CDH18: variants seen among roughly 807,000 people sequenced by gnomAD.
The protein encoded by CDH18 is cadherin-18.
A neutral mutation model predicts 67.9 loss-of-function variants in CDH18; 31 were observed. That is an observed-to-expected ratio of 0.46 (90% CI 0.34 to 0.62). The LOEUF is 0.62. Ranked by LOEUF, CDH18 falls within the 20% of genes least tolerant of loss-of-function variation. The pLI, the probability that CDH18 is intolerant of heterozygous loss-of-function variation, is 0.01. For missense variants in CDH18, 890 were observed against 975.5 expected, an observed-to-expected ratio of 0.91 and a Z score of 1.17; for synonymous variants, 362 against 347.2, an observed-to-expected ratio of 1.04 and a Z score of -0.48.
At chr5:20,497,085 G>C (rs78693472) in intron 1 of CDH18, among the ~76,000 whole-genome samples, 343 of 152,040 alleles carry the variant, frequency 2.3e-3, no homozygotes, top group South Asian at 4.2e-3. Context: ...AATGTCAAAA[G>C]GAATAGCCAA....
Position 19,549,764 on chromosome 5 carries a change from AAAAG to A in CDH18, c.1254-5763_1254-5760del, listed in dbSNP as rs1178694626. 1.5e-3 allele frequency among the ~76,000 whole-genome samples: 193 copies of A among 128,576 alleles called. 1 individual carries two copies. The highest frequency in any genetic ancestry group is 2.1e-3 in the Non-Finnish European group (126 of 59,180). 84.4% of individuals were successfully genotyped at this position (128,576 alleles called of 152,430 possible). ...GAGAGAAAAGAAAAAGAAAGAAAGAAAAAGAAAGAAAGAAAGGAAGAAAGAAAGG... is the reference window on the plus strand; with the variant it reads ...GAGAGAAAAGAAAAAGAAAGAAAGAAAAAGAAAGAAAGGAAGAAAGAAAGG... On this transcript the variant is annotated intron_variant, in intron 8 of 12. Transcript: ENST00000382275.
rs565078337 is a variant in CDH18 at position 20,051,856 on chromosome 5, C to T, written c.-517-59842G>A. Among the ~76,000 whole-genome samples the T allele has an allele frequency of 4.6e-5, 7 of 151,976 alleles. No individual in the cohort carries two copies. In the South Asian group the frequency reaches 6.2e-4, roughly 14 times the overall value. Reference sequence around the variant, plus strand: ...AAATGTAAACACGATATATGTCATACGGGATGTGTAAGATGAGAAACATCA... The same window carrying T: ...AAATGTAAACACGATATATGTCATATGGGATGTGTAAGATGAGAAACATCA... On this transcript the variant is annotated intron_variant, in intron 2 of 14. Coordinates refer to the CDH18 transcript ENST00000507958.
chr5:19,622,153 C>T (rs150944786), intron 5 of CDH18, among the ~76,000 whole-genome samples: 1 of 152,286 alleles, frequency 6.6e-6, no homozygotes, highest in African/African-American at 2.4e-5. Flanking sequence ...GAAGCAGCCT[C>T]TCCTGGCCAG....
Position 19,745,703 on chromosome 5 carries a change from G to C in CDH18, c.523+1239C>G, listed in dbSNP as rs542902670. 2.6e-5 allele frequency among the ~76,000 whole-genome samples: 4 copies of C among 152,192 alleles called. No individual in the cohort carries two copies. The South Asian group carries it at 8.3e-4, about 32-fold the overall frequency. ...GGCCTCTCTTAGGCTCCTGCAGGCT[G>C]GTTCCTGTGTTCTGCTGGGGTCCAG... On this transcript the variant is annotated intron_variant, in intron 4 of 12. Coordinates refer to ENST00000382275, the MANE Select transcript of CDH18 (RefSeq NM_004934.5).
intron 3 of CDH18, among the ~76,000 whole-genome samples, chr5:19,823,087 C>T (rs906974538): frequency 3.3e-5 from 5 of 152,180 alleles, no homozygotes; most frequent in Admixed American, 1.3e-4. Flanking sequence ...GGCTCACCGG[C>T]GGTCAGAGTT....
At chr5:20,417,957 G>C (rs994969782) in intron 1 of CDH18, among the ~76,000 whole-genome samples, 11 of 152,130 alleles carry the variant, frequency 7.2e-5, no homozygotes, top group African/African-American at 2.7e-4. Context: ...AATTAATATA[G>C]TTTACACAAT....
rs112295387 is a variant in CDH18 at position 20,101,024 on chromosome 5, C to T, written c.-517-109010G>A. On this transcript the variant is annotated intron_variant, in intron 2 of 14. Transcript: ENST00000507958. The stretch of plus-strand genomic sequence containing the variant: ...CTGGAATGTAGTGGCACAATTATAG[C>T]TCACAGCAGCCTCAACCTCTGGGCT... Among the ~76,000 whole-genome samples the T allele has an allele frequency of 4.6e-3, 695 of 152,206 alleles. 7 individuals carry two copies. Among genetic ancestry groups the T allele is most frequent in the African/African-American group, 0.016 (666 of 41,522 alleles).
chr5:20,493,391 G>T (rs150069586), intron 1 of CDH18, among the ~76,000 whole-genome samples: 23 of 18,630 alleles, frequency 1.2e-3, no homozygotes, highest in East Asian at 3.7e-3. Context: ...AAAAAGCAAA[G>T]AATTTTTTGT....
intron 2 of CDH18, among the ~76,000 whole-genome samples, chr5:20,171,516 T>C (rs1474733421): frequency 6.6e-6 from 1 of 152,134 alleles, no homozygotes; most frequent in Non-Finnish European, 1.5e-5. Flanking sequence ...GTATGTCTTC[T>C]TTTAAAGAGT....
At chr5:19,916,425 A>G (rs1791801874) in intron 2 of CDH18, among the ~76,000 whole-genome samples, 1 of 152,130 alleles carries the variant, frequency 6.6e-6, no homozygotes, top group Non-Finnish European at 1.5e-5. Context: ...ACATCACTTG[A>G]CCTTGATATT....
rs529410651 is a variant in CDH18 at position 20,001,980 on chromosome 5, T to A, written c.-517-9966A>T. 4.9e-4 allele frequency among the ~76,000 whole-genome samples: 74 copies of A among 152,298 alleles called. No individual in the cohort carries two copies. The East Asian group carries it at 0.014, about 29-fold the overall frequency. ...CCTTCTCTGTCTATCTAAAGATTCCTCAGGCTGCCAATATTCATATATCAG... is the reference window on the plus strand; with the variant it reads ...CCTTCTCTGTCTATCTAAAGATTCCACAGGCTGCCAATATTCATATATCAG... On this transcript the variant is annotated intron_variant, in intron 2 of 14. Transcript: ENST00000507958.
chr5:19,731,789 C>T (rs1240133639), intron 4 of CDH18, among the ~76,000 whole-genome samples: 2 of 152,064 alleles, frequency 1.3e-5, no homozygotes, highest in Non-Finnish European at 2.9e-5. Context: ...AATGGTGTCA[C>T]CATCAAGAAT....
chr5:20,155,440 C>A (rs771529681), intron 2 of CDH18, among the ~76,000 whole-genome samples: 1 of 151,800 alleles, frequency 6.6e-6, no homozygotes, highest in Non-Finnish European at 1.5e-5. Context: ...TTTTTCCTTG[C>A]GGAGCTTTTT....
At chr5:20,098,654 T>C (rs1746192272) in intron 2 of CDH18, among the ~76,000 whole-genome samples, 1 of 152,138 alleles carries the variant, frequency 6.6e-6, no homozygotes, top group African/African-American at 2.4e-5. Flanking sequence ...TCCTTGACTA[T>C]TTTATTATTC....
chr5:20,516,807 ACTT>A (rs1253968450), intron 1 of CDH18, among the ~76,000 whole-genome samples: 2 of 151,796 alleles, frequency 1.3e-5, no homozygotes, highest in Non-Finnish European at 2.9e-5. Context: ...TTGCCGTAGG[ACTT>A]CTTAACTTTG....
At chr5:19,583,364 C>T (rs1743586981) in intron 7 of CDH18, among the ~76,000 whole-genome samples, 1 of 151,836 alleles carries the variant, frequency 6.6e-6, no homozygotes, top group African/African-American at 2.4e-5. Context: ...CTGAAATGTA[C>T]CTGAACATGT....
At chr5:19,781,213 T>C (rs1246733687) in intron 3 of CDH18, among the ~76,000 whole-genome samples, 1 of 152,084 alleles carries the variant, frequency 6.6e-6, no homozygotes, top group African/African-American at 2.4e-5. Flanking sequence ...AATATTGTTA[T>C]TGCAAAGAAA....
chr5:19,791,309 T>C (rs894718083), intron 3 of CDH18, among the ~76,000 whole-genome samples: 4 of 150,370 alleles, frequency 2.7e-5, no homozygotes, highest in Middle Eastern at 7.0e-3. Context: ...AACACAGATG[T>C]GTGGGCTCCT....
At chr5:19,722,209 A>T (rs1326728697) in intron 4 of CDH18, among the ~76,000 whole-genome samples, 1 of 151,906 alleles carries the variant, frequency 6.6e-6, no homozygotes, top group Non-Finnish European at 1.5e-5. Flanking sequence ...ACCCTCCACC[A>T]TGCCCAGATA....
Sources: allele counts gnomAD v4.1 joint callset (sites outside exome capture counted in the v4.1 genomes callset), GRCh38; gene constraint gnomAD v4.1.1; transcripts MANE v1.5; gene names NCBI Gene and HGNC (gene_info 2026-07-23, HGNC 2026-07-21).